The following UBE2H variants were observed in gnomAD, a reference collection of about 807,000 sequenced individuals.
The protein encoded by UBE2H is ubiquitin-conjugating enzyme E2 H.
In UBE2H, 3 loss-of-function variants were observed where a neutral mutation model predicts 29.0. That is an observed-to-expected ratio of 0.10 (90% CI 0.05 to 0.27). The LOEUF is 0.27. Ranked by LOEUF, UBE2H falls within the 10% of genes least tolerant of loss-of-function variation. UBE2H has a pLI of 1.00. For synonymous variants in UBE2H, 69 were observed against 82.9 expected (o/e 0.83, Z 0.91); for missense variants, 68 against 228.2 (o/e 0.30, Z 4.52).
At chr7:129,884,851 G>A (rs945767901) in intron 1 of UBE2H, among the ~76,000 whole-genome samples, 9 of 152,020 alleles carry the variant, frequency 5.9e-5, no homozygotes, top group Admixed American at 2.6e-4. Flanking sequence ...CCAGAGTGCT[G>A]GGATTATAGG....
chr7:129,951,846 A>G (rs1212629218), intron 1 of UBE2H, among the ~76,000 whole-genome samples: 2 of 152,074 alleles, frequency 1.3e-5, no homozygotes, highest in African/African-American at 4.8e-5. Flanking sequence ...TTCATCACAT[A>G]CAACTATGGG....
intron 1 of UBE2H, among the ~76,000 whole-genome samples, chr7:129,902,291 G>A (rs962881661): frequency 1.3e-5 from 2 of 152,172 alleles, no homozygotes; most frequent in African/African-American, 4.8e-5. Context: ...CTGAGGTCAG[G>A]AGTTCAAGAC....
intron 1 of UBE2H, among the ~76,000 whole-genome samples, chr7:129,896,440 C>T (rs1339408074): frequency 6.6e-6 from 1 of 152,032 alleles, no homozygotes; most frequent in African/African-American, 2.4e-5. Flanking sequence ...CACTCTGTTG[C>T]CCAGGCTGGA....
At chr7:129,843,122 C>T (rs1355087945) in intron 5 of UBE2H, among the ~76,000 whole-genome samples, 1 of 151,164 alleles carries the variant, frequency 6.6e-6, no homozygotes, top group Non-Finnish European at 1.5e-5. Flanking sequence ...CCTCAGTCTC[C>T]CCAGCAGCTA....
chr7:129,836,959 A>C (rs1415160464), intron 6 of UBE2H, among the ~76,000 whole-genome samples: 1 of 150,920 alleles, frequency 6.6e-6, no homozygotes, highest in Non-Finnish European at 1.5e-5. Flanking sequence ...GAGAGCCCTG[A>C]ATGGCAGGCA....
At chr7:129,850,678 G>A (rs564946949) in intron 5 of UBE2H, among the ~76,000 whole-genome samples, 57 of 152,178 alleles carry the variant, frequency 3.7e-4, no homozygotes, top group African/African-American at 1.1e-3. Flanking sequence ...AGCCAGGTGC[G>A]GTGGCAGGCG....
intron 1 of UBE2H, among the ~76,000 whole-genome samples, chr7:129,898,604 G>C (rs967923233): frequency 3.3e-5 from 5 of 152,244 alleles, no homozygotes; most frequent in African/African-American, 1.2e-4. Flanking sequence ...AAGAAAACTT[G>C]ACATTGAAAA....
chr7:129,866,084 C>T (rs558465463), intron 3 of UBE2H, among the ~76,000 whole-genome samples: 61 of 152,154 alleles, frequency 4.0e-4, no homozygotes, highest in Non-Finnish European at 7.5e-4. Context: ...GAAATCTCTT[C>T]AGAAATCTGA....
intron 1 of UBE2H, among the ~76,000 whole-genome samples, chr7:129,934,138 A>G (rs1240904881): frequency 1.3e-5 from 2 of 152,072 alleles, no homozygotes; most frequent in Non-Finnish European, 2.9e-5. Context: ...CCTGGGCAAC[A>G]TGGTGAAACC....
chr7:129,871,003 T>C (rs1264548975), intron 3 of UBE2H, among the ~76,000 whole-genome samples: 1 of 152,264 alleles, frequency 6.6e-6, no homozygotes, highest in Non-Finnish European at 1.5e-5. Flanking sequence ...TTTTTAAGTC[T>C]CAGCTTAAAT....
At chr7:129,916,729 C>A (rs889912571) in intron 1 of UBE2H, among the ~76,000 whole-genome samples, 1 of 152,152 alleles carries the variant, frequency 6.6e-6, no homozygotes, top group Non-Finnish European at 1.5e-5. Context: ...CGGCTAATGG[C>A]CAAACCACCT....
chr7:129,933,551 T>C (rs994063549), intron 1 of UBE2H, among the ~76,000 whole-genome samples: 3 of 152,174 alleles, frequency 2.0e-5, no homozygotes, highest in Non-Finnish European at 4.4e-5. Flanking sequence ...GAATAACCTA[T>C]AAGGTATTAG....
chr7:129,867,716 AAG>A (rs1805936688), intron 3 of UBE2H, among the ~76,000 whole-genome samples: 6 of 87,166 alleles, frequency 6.9e-5, no homozygotes, highest in Non-Finnish European at 1.2e-4. Context: ...AAAAAAAAAA[AAG>A]AAAACCAAAA....
intron 1 of UBE2H, among the ~76,000 whole-genome samples, chr7:129,892,384 T>C (rs1806513958): frequency 1.3e-5 from 2 of 152,102 alleles, no homozygotes; most frequent in South Asian, 2.1e-4. Flanking sequence ...CCTGAGTAGC[T>C]GGGATTACAG....
intron 5 of UBE2H, among the ~76,000 whole-genome samples, chr7:129,840,559 T>C (rs1483870831): frequency 6.6e-6 from 1 of 152,086 alleles, no homozygotes; most frequent in Non-Finnish European, 1.5e-5. Context: ...TACCCAGCGT[T>C]TTAGAAAAGC....
intron 1 of UBE2H, among the ~76,000 whole-genome samples, chr7:129,931,490 A>T (rs1807399004): frequency 6.6e-6 from 1 of 152,168 alleles, no homozygotes; most frequent in South Asian, 2.1e-4. Flanking sequence ...AGTAAATCTT[A>T]TGCATATAAA....
chr7:129,863,064 T>G (rs565681617), intron 3 of UBE2H, among the ~76,000 whole-genome samples: 35 of 152,326 alleles, frequency 2.3e-4, no homozygotes, highest in Middle Eastern at 6.8e-3. Context: ...TAAATGTTTA[T>G]CAAAACGTCT....
chr7:129,871,713 C>CA (rs369901584), intron 3 of UBE2H, among the ~76,000 whole-genome samples: 35,211 of 124,202 alleles, frequency 0.28, 4,499 homozygotes, highest in Admixed American at 0.36. Context: ...GACTCTGTAT[C>CA]AAAAAAAAAA....
At chr7:129,865,083 A>G (rs1344008248) in intron 3 of UBE2H, 1 of 443,848 alleles carries the variant, frequency 2.3e-6, no homozygotes. Context: ...AGGAATCCAA[A>G]TCACACTTAA....
Sources: allele counts gnomAD v4.1 joint callset (sites outside exome capture counted in the v4.1 genomes callset), GRCh38; gene constraint gnomAD v4.1.1; transcripts MANE v1.5; gene names NCBI Gene and HGNC (gene_info 2026-07-23, HGNC 2026-07-21).